The following IMMP2L variants were observed in gnomAD, a reference collection of about 807,000 sequenced individuals.
IMMP2L encodes mitochondrial inner membrane protease subunit 2.
IMMP2L carries 18 observed loss-of-function variants against 19.3 expected under a neutral mutation model. The observed-to-expected ratio is 0.93, with a 90% CI of 0.64 to 1.38. The LOEUF is 1.38. Ranked by LOEUF, IMMP2L falls within the 40% of genes most tolerant of loss-of-function variation. The probability of loss-of-function intolerance (pLI) is 0.00; values close to 1 mark genes in which losing one functional copy is unlikely to be tolerated. For synonymous variants in IMMP2L, 76 were observed against 73.0 expected, an observed-to-expected ratio of 1.04 and a Z score of -0.21; for missense variants, 233 against 218.2, an observed-to-expected ratio of 1.07 and a Z score of -0.43.
intron 5 of IMMP2L, among the ~76,000 whole-genome samples, chr7:110,869,593 G>C (rs551243555): frequency 1.3e-5 from 2 of 152,210 alleles, no homozygotes; most frequent in Admixed American, 1.3e-4. Context: ...CCTTGCATTT[G>C]AACTGTATTA....
At chr7:110,741,375 C>G (rs912572695) in intron 5 of IMMP2L, among the ~76,000 whole-genome samples, 16 of 152,180 alleles carry the variant, frequency 1.1e-4, no homozygotes, top group African/African-American at 2.7e-4. Context: ...AGCTTAATTT[C>G]CAGTGTGATT....
chr7:111,099,903 G>T (rs917424309), intron 3 of IMMP2L: 1 of 151,652 alleles, frequency 6.6e-6, no homozygotes, highest in African/African-American at 2.4e-5. Flanking sequence ...AGGAGAAAGA[G>T]AAAGAAGAGG....
At chr7:111,231,402 T>C (rs2129624460) in intron 3 of IMMP2L, among the ~76,000 whole-genome samples, 1 of 151,996 alleles carries the variant, frequency 6.6e-6, no homozygotes, top group African/African-American at 2.4e-5. Flanking sequence ...GCAAGCTCTA[T>C]CCCCACTAAA....
At chr7:110,899,854 T>G (rs1319700529) in intron 4 of IMMP2L, among the ~76,000 whole-genome samples, 2 of 152,226 alleles carry the variant, frequency 1.3e-5, no homozygotes, top group Non-Finnish European at 2.9e-5. Context: ...TTGTAGAACT[T>G]TGAATATTTT....
chr7:111,343,555 A>G (rs1827238793), intron 3 of IMMP2L, among the ~76,000 whole-genome samples: 1 of 152,060 alleles, frequency 6.6e-6, no homozygotes, highest in Admixed American at 6.6e-5. Context: ...GCAACCACAT[A>G]GTGTGTAATG....
chr7:110,935,067 A>G (rs142383441), intron 4 of IMMP2L, among the ~76,000 whole-genome samples: 1,715 of 152,210 alleles, frequency 0.011, 32 homozygotes, highest in African/African-American at 0.039. Flanking sequence ...TTTGCCCATT[A>G]GTTGATGCAG....
At chr7:110,692,021 A>G (rs1793541124) in intron 5 of IMMP2L, among the ~76,000 whole-genome samples, 1 of 152,190 alleles carries the variant, frequency 6.6e-6, no homozygotes, top group Admixed American at 6.6e-5. Flanking sequence ...GTTTACCACA[A>G]CACAATTCAC....
intron 3 of IMMP2L, among the ~76,000 whole-genome samples, chr7:110,983,166 A>G (rs1346153776): frequency 6.6e-6 from 1 of 152,068 alleles, no homozygotes; most frequent in Non-Finnish European, 1.5e-5. Context: ...ATTAAAAAGA[A>G]GTTATTGGCT....
chr7:111,252,083 C>A (rs553837735), intron 3 of IMMP2L, among the ~76,000 whole-genome samples: 1 of 151,894 alleles, frequency 6.6e-6, no homozygotes. Flanking sequence ...GAAAGCATTT[C>A]TCTGAATATT....
intron 3 of IMMP2L, among the ~76,000 whole-genome samples, chr7:111,117,629 G>C (rs1586387610): frequency 6.6e-6 from 1 of 152,030 alleles, no homozygotes; most frequent in African/African-American, 2.4e-5. Flanking sequence ...GATGCATTTA[G>C]TATAATTCAA....
chr7:111,508,386 A>AT (rs1334687928), intron 2 of IMMP2L, among the ~76,000 whole-genome samples: 3 of 152,216 alleles, frequency 2.0e-5, no homozygotes, highest in Non-Finnish European at 4.4e-5. Flanking sequence ...TAATTATAAA[A>AT]TGATATACCC....
chr7:111,181,863 A>G (rs895914770), intron 3 of IMMP2L, among the ~76,000 whole-genome samples: 8 of 152,048 alleles, frequency 5.3e-5, no homozygotes, highest in Non-Finnish European at 1.0e-4. Flanking sequence ...TAAAATAAAT[A>G]GCTATAAATT....
At chr7:111,488,109 C>T (rs1024828118) in intron 2 of IMMP2L, among the ~76,000 whole-genome samples, 2 of 152,138 alleles carry the variant, frequency 1.3e-5, no homozygotes, top group Non-Finnish European at 2.9e-5. Flanking sequence ...CAATGAATAA[C>T]AAGCTTGAGG....
intron 2 of IMMP2L, among the ~76,000 whole-genome samples, chr7:111,511,733 C>T (rs899088800): frequency 4.0e-5 from 6 of 151,666 alleles, no homozygotes; most frequent in Non-Finnish European, 5.9e-5. Context: ...AGAACAGAAA[C>T]ATTTTTGCTA....
chr7:110,796,212 A>G (rs1800853179), intron 5 of IMMP2L, among the ~76,000 whole-genome samples: 1 of 152,012 alleles, frequency 6.6e-6, no homozygotes, highest in Non-Finnish European at 1.5e-5. Context: ...TCTTTCCTTT[A>G]TAAATTACCC....
chr7:111,272,560 G>C (rs1195202454), intron 3 of IMMP2L, among the ~76,000 whole-genome samples: 1 of 152,198 alleles, frequency 6.6e-6, no homozygotes, highest in Non-Finnish European at 1.5e-5. Context: ...CCTGTACAGT[G>C]CTTCACACAT....
At chr7:110,763,861 A>C (rs1324058335) in intron 5 of IMMP2L, among the ~76,000 whole-genome samples, 5 of 152,144 alleles carry the variant, frequency 3.3e-5, no homozygotes, top group Non-Finnish European at 5.9e-5. Flanking sequence ...TAAAGTGCTT[A>C]AGGGTGTTTA....
intron 3 of IMMP2L, among the ~76,000 whole-genome samples, chr7:111,022,815 G>C (rs1826421807): frequency 6.6e-6 from 1 of 151,894 alleles, no homozygotes; most frequent in Admixed American, 6.6e-5. Flanking sequence ...GACGTTACAT[G>C]GCCTTAAAAA....
Position 111,536,638 on chromosome 7 carries a change from T to C in IMMP2L, c.-2-15189A>G, listed in dbSNP as rs141389702. Among the ~76,000 whole-genome samples, 315 of 152,260 alleles carry C rather than the reference T, an allele frequency of 2.1e-3. 3 individuals carry two copies. The highest frequency in any genetic ancestry group is 7.2e-3 in the African/African-American group (299 of 41,554). Reference sequence around the variant, plus strand: ...ATTGTTTTAAAATAAGTCCCCTTTATGATCATTCTCAGAAATTTGTTAGAA... The same window carrying C: ...ATTGTTTTAAAATAAGTCCCCTTTACGATCATTCTCAGAAATTTGTTAGAA... On this transcript the variant is annotated intron_variant, in intron 1 of 5. Coordinates refer to ENST00000405709, the MANE Select transcript of IMMP2L (RefSeq NM_032549.4).
Sources: allele counts gnomAD v4.1 joint callset (sites outside exome capture counted in the v4.1 genomes callset), GRCh38; gene constraint gnomAD v4.1.1; transcripts MANE v1.5; gene names NCBI Gene and HGNC (gene_info 2026-07-23, HGNC 2026-07-21).